Variants in PHOX2B observed in about 807,000 individuals in gnomAD.
PHOX2B encodes the protein paired like homeobox 2B, also known as paired mesoderm homeobox protein 2B.
A neutral mutation model predicts 15.5 loss-of-function variants in PHOX2B; 1 was observed. The observed-to-expected ratio is 0.06, with a 90% CI of 0.02 to 0.31. PHOX2B has a LOEUF of 0.31. Among genes scored for constraint, PHOX2B ranks in the 10% least tolerant of loss-of-function variants. The pLI is 1.00. For synonymous variants in PHOX2B, 206 were observed against 190.5 expected (o/e 1.08, Z -0.67); for missense variants, 314 against 436.4 (o/e 0.72, Z 2.50).
Position 41,746,109 on chromosome 4 carries a change from C to A in PHOX2B, c.643G>T (p.Gly215Cys), listed in dbSNP as rs1243150447. 1.3e-6 allele frequency: 2 copies of A among 1,583,622 alleles called. No homozygotes were observed. The highest frequency in any genetic ancestry group is 1.4e-5 in the African/African-American group (1 of 72,900). The change falls in exon 3 of 3, where the codon GGC becomes TGC. Residue 215 changes from glycine to cysteine, a missense_variant. Gly to Cys is a radical substitution (Grantham distance 159). Around this residue, in one of 7 missense-constraint regions of PHOX2B, gnomAD observed 157 missense variants for 169.0 expected, o/e 0.93. Transcript: ENST00000226382. Reference protein sequence around the residue: ...TPSCGANGGGGGGPSPAGAPG... With the variant: ...TPSCGANGGGCGGPSPAGAPG... ...GCTCCAGCCGGGCTGGGCCCGCCGCCGCCGCCTCCATTCGCCCCGCAGCTG... is the reference window on the plus strand; with the variant it reads ...GCTCCAGCCGGGCTGGGCCCGCCGCAGCCGCCTCCATTCGCCCCGCAGCTG...
Position 41,747,281 on chromosome 4 carries a change from G to C in PHOX2B, c.429+68C>G. ...GGCTCCAGGACTTCGAATTTCACCA[G>C]CCGCCCCTCACCCCACACCTCCCCG... On this transcript the variant is annotated intron_variant, in intron 2 of 2. Transcript: ENST00000226382. 6 of 1,336,686 alleles carry C rather than the reference G, an allele frequency of 4.5e-6. No individual in the cohort carries two copies. In the South Asian group the frequency reaches 5.9e-5, roughly 13 times the overall value. The allele number at this position is 1,336,686 out of a possible 1,614,324, so 82.8% of individuals were successfully genotyped here.
intron 2 of PHOX2B, 36 bp from the exon 3 acceptor site, chr4:41,746,358 G>C (rs1733900716): frequency 6.2e-7 from 1 of 1,609,106 alleles, no homozygotes; most frequent in Non-Finnish European, 8.5e-7. Flanking sequence ...GTGAAGCAGG[G>C]GGAGAAAGAA....
chr4:41,745,872 C>T lies in PHOX2B; in HGVS notation c.880G>A (p.Val294Ile), dbSNP rs772358257. ...PDSLGGPFAS[V>I]LSSLQRPNGA... ...TTGGGTCTTTGGAGCGAAGATAGGA[C>T]GCTGGCGAAGGGACCCCCAAGCGAA... Residue 294 changes from valine to isoleucine, a missense_variant, in exon 3 of 3, where the codon GTC (valine) becomes ATC (isoleucine). Val to Ile is a conservative substitution (Grantham distance 29). Around this residue, in one of 7 missense-constraint regions of PHOX2B, gnomAD observed 157 missense variants for 169.0 expected, o/e 0.93. Transcript: ENST00000226382. The surrounding 1 kb of genome is among the most constrained non-coding windows in gnomAD (Gnocchi z 4.0). 2 of 1,609,098 alleles carry T rather than the reference C, an allele frequency of 1.2e-6. No homozygotes were observed. Among genetic ancestry groups the T allele is most frequent in the Non-Finnish European group, 1.7e-6 (2 of 1,177,838 alleles).
At position 41,744,819 on chromosome 4, in the gene PHOX2B, C is replaced by G. The variant is rs1365418715; in HGVS notation, c.*988G>C. 1 of 233,532 alleles carries G rather than the reference C, an allele frequency of 4.3e-6. No homozygotes were observed. Among genetic ancestry groups the G allele is most frequent in the African/African-American group, 2.2e-5 (1 of 45,314 alleles). 14.5% of individuals were successfully genotyped at this position (233,532 alleles called of 1,614,324 possible). On this transcript the variant is annotated 3_prime_UTR_variant, in exon 3 of 3. Coordinates refer to ENST00000226382, the MANE Select transcript of PHOX2B (RefSeq NM_003924.4). ...TAAAAGCTGGTGGAAGAAGAAAATG[C>G]CGACGGGGTAGGCGGGAGCGAGGGG...
In PHOX2B at chr4:41,746,039, T is replaced by A; in HGVS notation, c.713A>T (p.Lys238Met). ...CGCCGCCGCTGCTGCTGCGCCGCCC[T>A]TGCCGGGTTCGCCTCCCGGGCCCCC... ...GPGGPGGEPG[K>M]GGAAAAAAAA... Residue 238 changes from lysine to methionine, a missense_variant, in exon 3 of 3, where the codon AAG becomes ATG. Physicochemically the swap from Lys to Met is moderately conservative, Grantham distance 95. Transcript: ENST00000226382. 7.9e-7 allele frequency: 1 copy of A among 1,268,404 alleles called. No homozygotes were observed. The highest frequency in any genetic ancestry group is 9.9e-7 in the Non-Finnish European group (1 of 1,012,130). The allele number at this position is 1,268,404 out of a possible 1,614,324, so 78.6% of individuals were successfully genotyped here.
rs1577558708 is a variant in PHOX2B at position 41,745,848 on chromosome 4, T to A, written c.904A>T (p.Asn302Tyr). 1.9e-6 allele frequency: 3 copies of A among 1,608,860 alleles called. No individual in the cohort carries two copies. The highest frequency in any genetic ancestry group is 2.5e-6 in the Non-Finnish European group (3 of 1,177,962). The change falls in exon 3 of 3, where the codon AAC becomes TAC. Residue 302 changes from asparagine (N) to tyrosine (Y), a missense_variant. Transcript: ENST00000226382. The surrounding 1 kb of genome is among the most constrained non-coding windows in gnomAD (Gnocchi z 4.0). ...ASVLSSLQRP[N>Y]GAKAALVKSS... ...TTCACTAAGGCGGCTTTGGCACCGT[T>A]GGGTCTTTGGAGCGAAGATAGGACG...
Position 41,745,715 on chromosome 4 carries a change from A to C in PHOX2B, c.*92T>G. On this transcript the variant is annotated 3_prime_UTR_variant, in exon 3 of 3. Transcript: ENST00000226382. The surrounding 1 kb of genome is among the most constrained non-coding windows in gnomAD (Gnocchi z 4.0). ...AAAAAGCCATGGCAGCAGCGACGACAATAGCCTTGGGCCTACCCGCTCGCC... is the reference window on the plus strand; with the variant it reads ...AAAAAGCCATGGCAGCAGCGACGACCATAGCCTTGGGCCTACCCGCTCGCC... The C allele has an allele frequency of 6.7e-7, 1 of 1,483,184 alleles. No homozygotes were observed. Among genetic ancestry groups the C allele is most frequent in the Non-Finnish European group, 9.0e-7 (1 of 1,106,176 alleles). The allele number at this position is 1,483,184 out of a possible 1,614,324, so 91.9% of individuals were successfully genotyped here. A position where few individuals can be genotyped will look rare whatever the true frequency, so the allele number is the denominator to read the frequency against.
At position 41,745,093 on chromosome 4, in the gene PHOX2B, C is replaced by G. The variant is rs973370491; in HGVS notation, c.*714G>C. On this transcript the variant is annotated 3_prime_UTR_variant, in exon 3 of 3. Coordinates refer to ENST00000226382, the MANE Select transcript of PHOX2B (RefSeq NM_003924.4). This position sits in a 1 kb window ranked among gnomAD's most constrained non-coding sequence, Gnocchi z 4.0. ...AAGTCGTCGCCGCAGTGACCCGAAC[C>G]CAAGGACACGATAGGAAGGGGGGCT... is the stretch of plus-strand genomic sequence containing the variant. 1.3e-5 allele frequency: 3 copies of G among 232,674 alleles called. No individual in the cohort carries two copies. The highest frequency in any genetic ancestry group is 1.1e-4 in the Admixed American group (2 of 17,758). 14.4% of individuals were successfully genotyped at this position (232,674 alleles called of 1,614,324 possible).
At chr4:41,746,412 ACTT>A in intron 2 of PHOX2B, 90 bp from the exon 3 acceptor site, 1 of 1,353,456 alleles carries the variant, frequency 7.4e-7, no homozygotes, top group East Asian at 2.5e-5. Context: ...CCCAAGTTCT[ACTT>A]CGGCTTGTTT....
chr4:41,747,713 A>T (rs1475711012), intron 1 of PHOX2B, 177 bp from the exon 2 acceptor site: 3 of 708,492 alleles, frequency 4.2e-6, no homozygotes, highest in Admixed American at 4.0e-5. Flanking sequence ...TATCTGCGGA[A>T]ACCTGGGCTC....
rs6826373 is a variant in PHOX2B, at chr4:41,744,443, C to T, written c.*1364G>A. Reference sequence around the variant, plus strand: ...ACGGTCACGTAGAGGAGACAGTCTGCACTGATATTAACACGATACAATTGA... The same window carrying T: ...ACGGTCACGTAGAGGAGACAGTCTGTACTGATATTAACACGATACAATTGA... On this transcript the variant is annotated 3_prime_UTR_variant, in exon 3 of 3. Coordinates refer to ENST00000226382, the MANE Select transcript of PHOX2B (RefSeq NM_003924.4). The T allele has an allele frequency of 0.4, 92,305 of 231,700 alleles. 21,373 individuals carry two copies. The highest frequency in any genetic ancestry group is 0.71 in the African/African-American group (31,976 of 45,258). The allele number at this position is 231,700 out of a possible 1,614,324, so 14.4% of individuals were successfully genotyped here.
Position 41,746,240 on chromosome 4 carries a change from G to T in PHOX2B, c.512C>A (p.Ser171Tyr). ...AAAAAAAKNGSSGKKSDSSRD... is the reference protein window; with the variant it reads ...AAAAAAAKNGYSGKKSDSSRD... ...GGAAGAGTCAGACTTTTTGCCCGAG[G>T]AGCCGTTCTTGGCCGCGGCCGCTGC... The change falls in exon 3 of 3, where the codon TCC becomes TAC. Residue 171 changes from serine to tyrosine, a missense_variant. This residue lies in a region of PHOX2B where 31 missense variants were observed against 29.6 expected (regional missense o/e 1.05). Coordinates refer to ENST00000226382, the MANE Select transcript of PHOX2B (RefSeq NM_003924.4). 1 of 1,613,962 alleles carries T rather than the reference G, an allele frequency of 6.2e-7. No individual in the cohort carries two copies. Among genetic ancestry groups the T allele is most frequent in the African/African-American group, 1.3e-5 (1 of 75,046 alleles).
Position 41,745,591 on chromosome 4 carries a change from T to G in PHOX2B, c.*216A>C. 6 of 532,188 alleles carry G rather than the reference T, an allele frequency of 1.1e-5. No individual in the cohort carries two copies. The highest frequency in any genetic ancestry group is 1.9e-5 in the Non-Finnish European group (6 of 315,586). The allele number at this position is 532,188 out of a possible 1,614,324, so 33.0% of individuals were successfully genotyped here. On this transcript the variant is annotated 3_prime_UTR_variant, in exon 3 of 3. Transcript: ENST00000226382. This position sits in a 1 kb window ranked among gnomAD's most constrained non-coding sequence, Gnocchi z 4.0. ...GTGCGAAGCCAGGGAAGTTTGTTTGTTTTGTTTGGGGGTTGAGGAAGGGGG... is the reference window on the plus strand; with the variant it reads ...GTGCGAAGCCAGGGAAGTTTGTTTGGTTTGTTTGGGGGTTGAGGAAGGGGG...
intron 2 of PHOX2B, among the ~76,000 whole-genome samples, chr4:41,747,045 T>G (rs1733923428): frequency 6.6e-6 from 1 of 152,126 alleles, no homozygotes; most frequent in Admixed American, 6.5e-5. Flanking sequence ...GAGCAAAGTC[T>G]GCACACCTTC....
chr4:41,747,320 G>C (rs1011041347), intron 2 of PHOX2B, 29 bp downstream of exon 2: 1 of 1,584,694 alleles, frequency 6.3e-7, no homozygotes, highest in African/African-American at 1.3e-5. Flanking sequence ...CAGTGCGGCG[G>C]AGCGGGGTCG....
chr4:41,746,525 G>A (rs887273778), intron 2 of PHOX2B, among the ~76,000 whole-genome samples: 1 of 152,088 alleles, frequency 6.6e-6, no homozygotes, highest in Non-Finnish European at 1.5e-5. Flanking sequence ...CTTTCTTAGG[G>A]GGAGTGAGCA....
chr4:41,746,064 C>T lies in PHOX2B; in HGVS notation c.688G>A (p.Gly230Arg), dbSNP rs1733884523. The T allele has an allele frequency of 2.9e-6, 4 of 1,387,796 alleles. No individual in the cohort carries two copies. The highest frequency in any genetic ancestry group is 1.5e-5 in the African/African-American group (1 of 66,112). The allele number at this position is 1,387,796 out of a possible 1,614,324, so 86.0% of individuals were successfully genotyped here. A position where few individuals can be genotyped will look rare whatever the true frequency, so the allele number is the denominator to read the frequency against. Reference protein sequence around the residue: ...PAGAPGAAGPGGPGGEPGKGG... With the variant: ...PAGAPGAAGPRGPGGEPGKGG... ...TTGCCGGGTTCGCCTCCCGGGCCCC[C>T]GGGCCCCGCCGCCCCCGGAGCTCCA... is the stretch of plus-strand genomic sequence containing the variant. Residue 230 changes from glycine (G) to arginine (R), a missense_variant, in exon 3 of 3, where the codon GGG becomes AGG. Around this residue, in one of 7 missense-constraint regions of PHOX2B, gnomAD observed 157 missense variants for 169.0 expected, o/e 0.93. Coordinates refer to ENST00000226382, the MANE Select transcript of PHOX2B (RefSeq NM_003924.4).
At chr4:41,747,298 A>G (rs749630768) in intron 2 of PHOX2B, 51 bp downstream of exon 2, 4 of 1,492,364 alleles carry the variant, frequency 2.7e-6, no homozygotes, top group Non-Finnish European at 3.7e-6. Context: ...CTCACCCCAC[A>G]CCTCCCCGGA....
At position 41,745,731 on chromosome 4, in the gene PHOX2B, C is replaced by T; in HGVS notation, c.*76G>A. The T allele has an allele frequency of 2.0e-6, 3 of 1,534,450 alleles. No individual in the cohort carries two copies. The highest frequency in any genetic ancestry group is 2.4e-5 in the East Asian group (1 of 41,924). On this transcript the variant is annotated 3_prime_UTR_variant, in exon 3 of 3. Transcript: ENST00000226382. The surrounding 1 kb of genome is among the most constrained non-coding windows in gnomAD (Gnocchi z 4.0). ...AGCGACGACAATAGCCTTGGGCCTA[C>T]CCGCTCGCCCACTCGCCCGCCCGGG...
Sources: allele counts gnomAD v4.1 joint callset (sites outside exome capture counted in the v4.1 genomes callset), GRCh38; gene constraint gnomAD v4.1.1; regional missense constraint gnomAD v4.1.1; non-coding constraint Gnocchi (gnomAD v3.1); transcripts MANE v1.5; gene names NCBI Gene and HGNC (gene_info 2026-07-23, HGNC 2026-07-21).